PER3: variants seen among roughly 807,000 people sequenced by gnomAD.
The protein encoded by PER3 is period circadian regulator 3.
Under a neutral mutation model 127.2 loss-of-function variants are expected in PER3, and 107 were observed. That is an observed-to-expected ratio of 0.84 (90% CI 0.72 to 0.99). The LOEUF (loss-of-function observed/expected upper bound fraction) is 0.99. PER3 is among the 50% of genes least tolerant of loss of function. The probability of loss-of-function intolerance (pLI) is 0.00; values close to 1 mark genes in which losing one functional copy is unlikely to be tolerated. For synonymous variants in PER3, 618 were observed against 585.8 expected, an observed-to-expected ratio of 1.05 and a Z score of -0.79; for missense variants, 1,560 against 1,525.8, an observed-to-expected ratio of 1.02 and a Z score of -0.37.
intron 7 of PER3, among the ~76,000 whole-genome samples, chr1:7,799,542 G>A (rs1446459015): frequency 1.3e-5 from 2 of 151,330 alleles, no homozygotes; most frequent in Non-Finnish European, 2.9e-5. Flanking sequence ...CCCGGGAGGC[G>A]GAGGTTGCGG....
chr1:7,836,025 T>A, intron 20 of PER3, 80 bp downstream of exon 20: 1 of 939,062 alleles, frequency 1.1e-6, no homozygotes, highest in Non-Finnish European at 1.6e-6. Flanking sequence ...TGAGACGGAG[T>A]CTCGCCCTGT....
At chr1:7,815,243 A>G (rs1425152112) in intron 13 of PER3, among the ~76,000 whole-genome samples, 1 of 152,238 alleles carries the variant, frequency 6.6e-6, no homozygotes, top group South Asian at 2.1e-4. Flanking sequence ...CAATCCAGTT[A>G]TTCATATTCA....
At chr1:7,817,084 A>G (rs2097254803) in intron 13 of PER3, among the ~76,000 whole-genome samples, 1 of 152,236 alleles carries the variant, frequency 6.6e-6, no homozygotes, top group Non-Finnish European at 1.5e-5. Flanking sequence ...GTACAATTCC[A>G]TTCTGGAAAA....
At chr1:7,827,028 G>A (rs2097304541) in intron 17 of PER3, 90 bp from the exon 18 acceptor site, 4 of 998,204 alleles carry the variant, frequency 4.0e-6, no homozygotes, top group South Asian at 1.7e-5. Context: ...ATGCTCATTC[G>A]TCAGCTACTT....
At chr1:7,785,059 A>T in intron 2 of PER3, 54 bp downstream of exon 2, 1 of 1,539,164 alleles carries the variant, frequency 6.5e-7, no homozygotes, top group Non-Finnish European at 8.7e-7. Flanking sequence ...CCTTCCCTGG[A>T]GCAGGGAAAG....
chr1:7,842,414 C>T (rs12084927), intron 21 of PER3, among the ~76,000 whole-genome samples: 21,721 of 151,734 alleles, frequency 0.14, 1,792 homozygotes, highest in African/African-American at 0.16. Flanking sequence ...GCAAGAGAAT[C>T]GCTTGAACCT....
Position 7,835,858 on chromosome 1 carries a change from C to T in PER3, c.3311C>T (p.Thr1104Ile), listed in dbSNP as rs748279735. Residue 1104 changes from threonine (T) to isoleucine (I), a missense_variant, in exon 20 of 22, where the codon ACA (threonine) becomes ATA (isoleucine). Physicochemically the swap from Thr to Ile is moderately conservative, Grantham distance 89. Around this residue, in one of 3 missense-constraint regions of PER3, gnomAD observed 199 missense variants for 198.6 expected, o/e 1.00. Transcript: ENST00000377532. ...TCTCAGGACGTACAGAAAAAAGAAA[C>T]ATTTCCTAATGTCGCCGAAGAGCCC... Reference protein sequence around the residue: ...QQSQDVQKKETFPNVAEEPIW... With the variant: ...QQSQDVQKKEIFPNVAEEPIW... 2.7e-5 allele frequency: 43 copies of T among 1,611,816 alleles called. No individual in the cohort carries two copies. The highest frequency in any genetic ancestry group is 3.6e-5 in the Non-Finnish European group (42 of 1,178,018).
At chr1:7,787,512 AAGAAAATAT>A (rs1224911316) in intron 4 of PER3, 1 of 419,492 alleles carries the variant, frequency 2.4e-6, no homozygotes, top group Non-Finnish European at 4.6e-6. Flanking sequence ...AAAATAGCTT[AAGAAAATAT>A]TTGTCTTTTA....
intron 16 of PER3, among the ~76,000 whole-genome samples, chr1:7,825,294 A>G (rs697691): frequency 0.23 from 35,413 of 152,090 alleles, 4,866 homozygotes; most frequent in East Asian, 0.47. Context: ...CCCAAAATAG[A>G]TACAACTATT....
intron 5 of PER3, among the ~76,000 whole-genome samples, chr1:7,793,094 T>C (rs1388876514): frequency 2.0e-5 from 3 of 152,254 alleles, no homozygotes. Flanking sequence ...TTGGTTGTTT[T>C]GGATTTTCAC....
chr1:7,836,482 G>C lies in PER3; in HGVS notation c.3399-517G>C, dbSNP rs1022378888. Among the ~76,000 whole-genome samples, 15 of 152,154 alleles carry C rather than the reference G, an allele frequency of 9.9e-5. No individual in the cohort carries two copies. The East Asian group carries it at 2.9e-3, about 29-fold the overall frequency. On this transcript the variant is annotated intron_variant, in intron 20 of 21. Coordinates refer to ENST00000377532, the MANE Select transcript of PER3 (RefSeq NM_001377275.1). ...GCGTGAGCCACTGCACCCGGCCTAT[G>C]GTTTCTTAATGTGTTTTTAAAGACA...
At chr1:7,835,139 G>T (rs1406749660) in intron 19 of PER3, among the ~76,000 whole-genome samples, 1 of 152,168 alleles carries the variant, frequency 6.6e-6, no homozygotes, top group Non-Finnish European at 1.5e-5. Context: ...CATTGCTGGG[G>T]GTAGGTTAGT....
At chr1:7,827,926 C>A in intron 18 of PER3, 111 bp downstream of exon 18, 2 of 768,764 alleles carry the variant, frequency 2.6e-6, no homozygotes, top group Non-Finnish European at 4.2e-6. Context: ...ATCCGCGTGG[C>A]TACTGTGAGT....
At chr1:7,797,374 C>T (rs892351176) in intron 6 of PER3, among the ~76,000 whole-genome samples, 1 of 152,144 alleles carries the variant, frequency 6.6e-6, no homozygotes, top group Non-Finnish European at 1.5e-5. Flanking sequence ...GTGGCTCACG[C>T]CTGTAATCCC....
chr1:7,827,755 G>A lies in PER3; in HGVS notation c.2826G>A (p.Met942Ile), dbSNP rs759270886. 6.2e-7 allele frequency: 1 copy of A among 1,613,894 alleles called. No individual in the cohort carries two copies. Among genetic ancestry groups the A allele is most frequent in the Non-Finnish European group, 8.5e-7 (1 of 1,180,038 alleles). The change falls in exon 18 of 22, where the codon ATG becomes ATA. Residue 942 changes from methionine (M) to isoleucine (I), a missense_variant. Physicochemically the swap from Met to Ile is conservative, Grantham distance 10. Around this residue, in one of 3 missense-constraint regions of PER3, gnomAD observed 1,332 missense variants for 1,223.6 expected, o/e 1.09. Transcript: ENST00000377532. ...PLQLNLLQEE[M>I]PRPSESPDQM... ...AGTTAAACTTACTTCAGGAAGAGAT[G>A]CCCAGACCCTCTGAATCTCCAGATC...
chr1:7,838,377 T>C (rs1290336977), intron 21 of PER3, among the ~76,000 whole-genome samples: 2 of 152,124 alleles, frequency 1.3e-5, no homozygotes, highest in African/African-American at 4.8e-5. Context: ...TTCCTCCTTC[T>C]CCCAACCCTT....
At chr1:7,820,036 G>A in intron 14 of PER3, 79 bp from the exon 15 acceptor site, 1 of 1,411,540 alleles carries the variant, frequency 7.1e-7, no homozygotes, top group East Asian at 2.3e-5. Flanking sequence ...AACATAAGTG[G>A]CATGAGAAAA....
intron 1 of PER3, 26 bp downstream of exon 1, chr1:7,784,402 C>G (rs977564883): frequency 6.7e-6 from 1 of 148,978 alleles, no homozygotes; most frequent in Non-Finnish European, 1.5e-5. Flanking sequence ...GGCGGGAGTT[C>G]TGGGCGGCCG....
intron 13 of PER3, among the ~76,000 whole-genome samples, chr1:7,812,169 C>A (rs906857404): frequency 2.0e-5 from 3 of 152,190 alleles, no homozygotes; most frequent in East Asian, 3.8e-4. Flanking sequence ...GTTTCACACA[C>A]TGACCTCTGT....
Sources: allele counts gnomAD v4.1 joint callset (sites outside exome capture counted in the v4.1 genomes callset), GRCh38; gene constraint gnomAD v4.1.1; regional missense constraint gnomAD v4.1.1; transcripts MANE v1.5; gene names NCBI Gene and HGNC (gene_info 2026-07-23, HGNC 2026-07-21).